KIF5C: variants seen among roughly 807,000 people sequenced by gnomAD.
KIF5C encodes the protein kinesin heavy chain isoform 5C.
In KIF5C, 18 loss-of-function variants were observed where a neutral mutation model predicts 125.2. That is an observed-to-expected ratio of 0.14 (90% CI 0.10 to 0.21). The LOEUF (loss-of-function observed/expected upper bound fraction) is 0.21. Ranked by LOEUF, KIF5C falls within the 10% of genes least tolerant of loss-of-function variation. KIF5C has a pLI of 1.00. For missense variants in KIF5C, 780 were observed against 1,183.8 expected (o/e 0.66, Z 5.01); for synonymous variants, 405 against 434.0 (o/e 0.93, Z 0.83).
intron 25 of KIF5C, among the ~76,000 whole-genome samples, chr2:149,018,525 C>A (rs768001291): frequency 3.9e-5 from 6 of 152,190 alleles, no homozygotes; most frequent in Non-Finnish European, 4.4e-5. Flanking sequence ...AGGACCTTTT[C>A]TCCTCTTAAA....
intron 15 of KIF5C, among the ~76,000 whole-genome samples, chr2:148,986,655 A>C (rs945063145): frequency 2.0e-5 from 3 of 152,204 alleles, no homozygotes; most frequent in African/African-American, 7.2e-5. Context: ...AATTTGTTTC[A>C]GTGGTTTTGT....
chr2:148,908,001 G>C (rs1161223804), intron 1 of KIF5C, among the ~76,000 whole-genome samples: 1 of 152,192 alleles, frequency 6.6e-6, no homozygotes, highest in East Asian at 1.9e-4. Context: ...TCTCAAATCT[G>C]TCCAGCCACT....
intron 1 of KIF5C, among the ~76,000 whole-genome samples, chr2:148,898,346 C>T (rs1396534791): frequency 6.6e-6 from 1 of 152,192 alleles, no homozygotes; most frequent in African/African-American, 2.4e-5. Context: ...CTGAGTATCT[C>T]ATGAGACAAT....
chr2:148,932,577 G>A (rs935754595), intron 3 of KIF5C, among the ~76,000 whole-genome samples: 2 of 152,216 alleles, frequency 1.3e-5, no homozygotes, highest in African/African-American at 4.8e-5. Context: ...TGAGGAAAAA[G>A]AGACTGTTCT....
chr2:148,978,648 C>T (rs150914526), intron 12 of KIF5C, among the ~76,000 whole-genome samples: 9 of 152,178 alleles, frequency 5.9e-5, no homozygotes, highest in East Asian at 3.9e-4. Flanking sequence ...GTTCCCAAAC[C>T]GTAGATCTCT....
At position 148,981,482 on chromosome 2, in the gene KIF5C, A is replaced by G; in HGVS notation, c.1490A>G (p.Asn497Ser). ...VLQALEELAVNYDQKSQEVED... is the reference protein window; with the variant it reads ...VLQALEELAVSYDQKSQEVED... ...CAGGCCCTGGAGGAGCTGGCTGTCA[A>G]TTATGACCAGAAATCACAGGAAGTG... The change falls in exon 14 of 26, where the codon AAT becomes AGT. Residue 497 changes from asparagine (N) to serine (S), a missense_variant. Transcript: ENST00000435030. 2 of 1,608,142 alleles carry G rather than the reference A, an allele frequency of 1.2e-6. No individual in the cohort carries two copies. Among genetic ancestry groups the G allele is most frequent in the Non-Finnish European group, 1.7e-6 (2 of 1,177,280 alleles).
Position 148,969,056 on chromosome 2 carries a change from T to C in KIF5C, c.1118-4280T>C, listed in dbSNP as rs4566329. 6.8e-3 allele frequency among the ~76,000 whole-genome samples: 1,042 copies of C among 152,336 alleles called. 18 individuals are homozygous for C. The highest frequency in any genetic ancestry group is 0.065 in the Middle Eastern group (19 of 294). ...CCTGAGGCTTTAGGAACTCAACTTA[T>C]GAAAAGGATAACTAGCTTGTTGCTA... On this transcript the variant is annotated intron_variant, in intron 11 of 25. Transcript: ENST00000435030.
intron 7 of KIF5C, among the ~76,000 whole-genome samples, chr2:148,943,539 C>T (rs1321427205): frequency 2.6e-5 from 4 of 152,106 alleles, no homozygotes; most frequent in African/African-American, 4.8e-5. Flanking sequence ...TATATCTTAC[C>T]GTGTTGAAGG....
intron 25 of KIF5C, among the ~76,000 whole-genome samples, chr2:149,022,147 C>T (rs1170672162): frequency 2.6e-5 from 4 of 152,156 alleles, no homozygotes; most frequent in African/African-American, 9.7e-5. Context: ...CCTCTTTCTA[C>T]AGAGAGTCTG....
intron 2 of KIF5C, among the ~76,000 whole-genome samples, chr2:148,925,259 G>A (rs1173094507): frequency 6.6e-6 from 1 of 152,162 alleles, no homozygotes; most frequent in Non-Finnish European, 1.5e-5. Context: ...TGGCATTATG[G>A]GAGATGAGGC....
rs1682587803 is a variant in KIF5C at position 149,023,215 on chromosome 2, G to GT, written c.*146dup. 1 of 152,054 alleles carries GT rather than the reference G, an allele frequency of 6.6e-6. No individual in the cohort carries two copies. Among genetic ancestry groups the GT allele is most frequent in the Admixed American group, 6.5e-5 (1 of 15,270 alleles). 9.4% of individuals were successfully genotyped at this position (152,054 alleles called of 1,614,324 possible). A position where few individuals can be genotyped will look rare whatever the true frequency, so the allele number is the denominator to read the frequency against. On this transcript the variant is annotated 3_prime_UTR_variant, in exon 26 of 26. Coordinates refer to ENST00000435030, the MANE Select transcript of KIF5C (RefSeq NM_004522.3). ...ACACCAGTTTCAGGTCTTTTGAGCT[G>GT]TGTAGAGTTTCTGTGTGTACAGATG...
At chr2:148,892,088 G>A (rs1681723573) in intron 1 of KIF5C, among the ~76,000 whole-genome samples, 1 of 152,208 alleles carries the variant, frequency 6.6e-6, no homozygotes, top group South Asian at 2.1e-4. Flanking sequence ...GCATAGAGAG[G>A]TTAAGCAAGT....
chr2:148,980,942 T>TCAGGTAATC lies in KIF5C; in HGVS notation c.1363-410_1363-402dup, dbSNP rs377573881. 5.5e-3 allele frequency among the ~76,000 whole-genome samples: 832 copies of TCAGGTAATC among 151,868 alleles called. 6 individuals are homozygous for TCAGGTAATC. The highest frequency in any genetic ancestry group is 0.019 in the African/African-American group (791 of 41,188). On this transcript the variant is annotated intron_variant, in intron 13 of 25. Coordinates refer to ENST00000435030, the MANE Select transcript of KIF5C (RefSeq NM_004522.3). Reference sequence around the variant, plus strand: ...CCAGGCTGTTTGTGAACTCTTGACCTCAGGTAATCCACCTGCCTCGGCCTC... The same window carrying TCAGGTAATC: ...CCAGGCTGTTTGTGAACTCTTGACCTCAGGTAATCCAGGTAATCCACCTGCCTCGGCCTC...
chr2:148,957,160 T>G (rs897227269), intron 10 of KIF5C, among the ~76,000 whole-genome samples: 2 of 152,224 alleles, frequency 1.3e-5, no homozygotes, highest in African/African-American at 2.4e-5. Flanking sequence ...GAAGTTCTTT[T>G]GGAAACAAGG....
intron 1 of KIF5C, among the ~76,000 whole-genome samples, chr2:148,886,891 T>C (rs1681543821): frequency 1.3e-5 from 2 of 152,230 alleles, no homozygotes; most frequent in African/African-American, 4.8e-5. Flanking sequence ...TTAATAAATA[T>C]GGCTCTTGGT....
At chr2:148,878,675 A>C (rs1681263093) in intron 1 of KIF5C, 1 of 152,226 alleles carries the variant, frequency 6.6e-6, no homozygotes, top group Admixed American at 6.5e-5. Flanking sequence ...TGCCATATGC[A>C]ATGAGTAGAA....
chr2:148,995,541 G>A (rs1157317066), intron 17 of KIF5C, among the ~76,000 whole-genome samples: 2 of 152,218 alleles, frequency 1.3e-5, no homozygotes, highest in Non-Finnish European at 2.9e-5. Context: ...CATGCAATGT[G>A]AAACTAGAAC....
chr2:148,918,824 G>A (rs72866035), intron 1 of KIF5C, among the ~76,000 whole-genome samples: 31 of 152,350 alleles, frequency 2.0e-4, no homozygotes, highest in Non-Finnish European at 3.8e-4. Context: ...GCTGCTAAGT[G>A]GAAATTTGAT....
At chr2:148,892,929 A>C (rs1681747604) in intron 1 of KIF5C, among the ~76,000 whole-genome samples, 2 of 152,180 alleles carry the variant, frequency 1.3e-5, no homozygotes, top group African/African-American at 2.4e-5. Flanking sequence ...AAATAATGAC[A>C]GTTTTGTTTC....
Sources: gnomAD v4.1 joint callset for allele counts (sites outside exome capture counted in the v4.1 genomes callset) on GRCh38, gnomAD v4.1.1 for gene constraint, MANE v1.5 for transcripts, NCBI Gene and HGNC (gene_info 2026-07-23, HGNC 2026-07-21) for gene names.